HNRNPUL2: variants seen among roughly 807,000 people sequenced by gnomAD.
HNRNPUL2 encodes heterogeneous nuclear ribonucleoprotein U-like protein 2.
Under a neutral mutation model 102.2 loss-of-function variants are expected in HNRNPUL2, and 27 were observed. The observed-to-expected ratio is 0.26, with a 90% CI of 0.19 to 0.36. The LOEUF is 0.36. HNRNPUL2 is among the 10% of genes least tolerant of loss of function. The probability of loss-of-function intolerance (pLI) is 1.00; values close to 1 mark genes in which losing one functional copy is unlikely to be tolerated. For missense variants in HNRNPUL2, 936 were observed against 981.1 expected (o/e 0.95, Z 0.61); for synonymous variants, 458 against 387.2 (o/e 1.18, Z -2.15).
At chr11:62,723,889 C>G in intron 3 of HNRNPUL2, 25 bp downstream of exon 3, 1 of 1,608,952 alleles carries the variant, frequency 6.2e-7, no homozygotes, top group Non-Finnish European at 8.5e-7. Flanking sequence ...AGTTAAAAAC[C>G]ACAGTCTGTC....
chr11:62,721,727 T>C, intron 8 of HNRNPUL2, 93 bp downstream of exon 8: 1 of 1,396,186 alleles, frequency 7.2e-7, no homozygotes, highest in Non-Finnish European at 9.9e-7. Context: ...TCTGGGACCC[T>C]TGTTCTCAGA....
rs1207163819 is a variant in HNRNPUL2, at chr11:62,722,271, T to C, written c.1205A>G (p.His402Arg). 1.2e-6 allele frequency: 2 copies of C among 1,614,020 alleles called. No homozygotes were observed. Among genetic ancestry groups the C allele is most frequent in the African/African-American group, 1.3e-5 (1 of 74,898 alleles). The change falls in exon 7 of 14, where the codon CAT becomes CGT. Residue 402 changes from histidine (H) to arginine (R), a missense_variant. By Grantham distance (29) the His-to-Arg change is conservative. Transcript: ENST00000301785. ...TACAACACAATTTTTGCAGAGGACA[T>C]GGGGTAGAAGGGCCCGGTCTGCCAG... is the stretch of plus-strand genomic sequence containing the variant. ...DSLADRALLPHVLCKNCVVEL... is the reference protein window; with the variant it reads ...DSLADRALLPRVLCKNCVVEL...
chr11:62,715,226 TTG>T lies in HNRNPUL2; in HGVS notation c.*71_*72del. 1.3e-6 allele frequency: 1 copy of T among 745,984 alleles called. No individual in the cohort carries two copies. The highest frequency in any genetic ancestry group is 2.0e-6 in the Non-Finnish European group (1 of 494,550). 46.2% of individuals were successfully genotyped at this position (745,984 alleles called of 1,614,324 possible). ...CCCCGACAGCCCCTGTTTTCCTTGG[TTG>T]TGTTTTGCGGGGGTGCCTGGCACCC... On this transcript the variant is annotated 3_prime_UTR_variant, in exon 14 of 14. Coordinates refer to ENST00000301785, the MANE Select transcript of HNRNPUL2 (RefSeq NM_001079559.3).
At chr11:62,724,032 C>G in intron 2 of HNRNPUL2, 42 bp from the exon 3 acceptor site, 1 of 1,524,210 alleles carries the variant, frequency 6.6e-7, no homozygotes, top group Non-Finnish European at 9.1e-7. Flanking sequence ...GTAAACAAAG[C>G]CCTCTTCTTT....
rs760131465 is a variant in HNRNPUL2, at chr11:62,715,965, G to C, written c.1982-28C>G. ...GGAAGAGAAATGGAGAGCGCGCTCA[G>C]ACAGCTGGCATGGGGTCCTGGCTCC... is the stretch of plus-strand genomic sequence containing the variant. On this transcript the variant is annotated intron_variant, in intron 11 of 13. Coordinates refer to ENST00000301785, the MANE Select transcript of HNRNPUL2 (RefSeq NM_001079559.3). The C allele has an allele frequency of 2.6e-6, 4 of 1,554,536 alleles. No individual in the cohort carries two copies. The South Asian group carries it at 3.5e-5, about 14-fold the overall frequency.
At chr11:62,719,902 C>G in intron 10 of HNRNPUL2, 121 bp downstream of exon 10, 2 of 900,770 alleles carry the variant, frequency 2.2e-6, no homozygotes, top group Non-Finnish European at 3.4e-6. Context: ...TCACCAGATG[C>G]TAATGCTATG....
At position 62,721,895 on chromosome 11, in the gene HNRNPUL2, T is replaced by C. The variant is rs774690660; in HGVS notation, c.1407A>G (p.Ala469=). Residue 469 remains alanine, a synonymous_variant, in exon 8 of 14, where the codon GCA becomes GCG. Transcript: ENST00000301785. The stretch of plus-strand genomic sequence containing the variant: ...CAGGGTTTTCTTTTGCATATTTCAG[T>C]GCCCACTGGGTCTTTCCAGATCCGG... ...GLPGSGKTQW[A]LKYAKENPEK... is the part of the protein sequence containing the mutation. 6.2e-7 allele frequency: 1 copy of C among 1,614,176 alleles called. No homozygotes were observed. Among genetic ancestry groups the C allele is most frequent in the Non-Finnish European group, 8.5e-7 (1 of 1,179,988 alleles).
In HNRNPUL2 at chr11:62,722,921, G is replaced by A. The variant is rs771737887; in HGVS notation, c.892-18C>T. On this transcript the variant is annotated intron_variant, in intron 4 of 13. Transcript: ENST00000301785. ...TGGGTTACCTGGCCAAGTCAGAAAG[G>A]GAACTATTAGATATTGTGACCAACT... 4 of 1,600,670 alleles carry A rather than the reference G, an allele frequency of 2.5e-6. No individual in the cohort carries two copies. Among genetic ancestry groups the A allele is most frequent in the South Asian group, 2.2e-5 (2 of 90,746 alleles).
rs774310607 is a variant in HNRNPUL2 at position 62,722,680 on chromosome 11, C to T, written c.1016G>A (p.Arg339Gln). Residue 339 changes from arginine to glutamine, a missense_variant, in exon 6 of 14, where the codon CGA becomes CAA. By Grantham distance (43) the Arg-to-Gln change is conservative. Transcript: ENST00000301785. ...TTGTCCATTTTCTGCCTTGAGTCCT[C>T]GTCCATCGAAACCGTAAGAGAATTC... is the stretch of plus-strand genomic sequence containing the variant. ...EDEFSYGFDG[R>Q]GLKAENGQFE... 20 of 1,613,990 alleles carry T rather than the reference C, an allele frequency of 1.2e-5. No homozygotes were observed. The highest frequency in any genetic ancestry group is 2.2e-5 in the East Asian group (1 of 44,904).
intron 3 of HNRNPUL2, 42 bp downstream of exon 3, chr11:62,723,872 G>A (rs1010016747): frequency 1.2e-6 from 2 of 1,603,340 alleles, no homozygotes; most frequent in South Asian, 2.2e-5. Flanking sequence ...ATCACTTTTA[G>A]GAGATTAGTT....
At chr11:62,719,237 G>A (rs966823284) in intron 10 of HNRNPUL2, among the ~76,000 whole-genome samples, 1 of 152,210 alleles carries the variant, frequency 6.6e-6, no homozygotes, top group African/African-American at 2.4e-5. Flanking sequence ...ATCACCTGAA[G>A]TCAGGAGTTC....
intron 1 of HNRNPUL2, among the ~76,000 whole-genome samples, chr11:62,725,185 C>T (rs1310037210): frequency 6.6e-6 from 1 of 152,128 alleles, no homozygotes; most frequent in Non-Finnish European, 1.5e-5. Flanking sequence ...TTCTTTAAAG[C>T]AGTCTTTTAT....
At chr11:62,715,465 C>A (rs369991557) in intron 13 of HNRNPUL2, 35 bp downstream of exon 13, 3 of 1,581,994 alleles carry the variant, frequency 1.9e-6, no homozygotes, top group African/African-American at 1.3e-5. Flanking sequence ...CTCCTGCCCC[C>A]CTTCACCCTG....
intron 10 of HNRNPUL2, 135 bp from the exon 11 acceptor site, chr11:62,717,324 C>A (rs771131249): frequency 2.8e-5 from 18 of 653,424 alleles, no homozygotes; most frequent in Non-Finnish European, 4.4e-5. Flanking sequence ...TACGTTTATA[C>A]CCACTCGCAT....
At position 62,715,908 on chromosome 11, in the gene HNRNPUL2, G is replaced by A. The variant is rs745497599; in HGVS notation, c.2011C>T (p.Arg671Trp). The A allele has an allele frequency of 2.5e-5, 40 of 1,611,512 alleles. No individual in the cohort carries two copies. The highest frequency in any genetic ancestry group is 3.1e-5 in the Non-Finnish European group (36 of 1,178,910). The part of the protein sequence containing the change: ...VGGQRRGYDN[R>W]AYGQQYWGQP... ...CCCCAGTACTGCTGCCCGTAGGCCC[G>A]GTTGTCGTAGCCTCGGCGCTGCCCG... Residue 671 changes from arginine to tryptophan, a missense_variant, in exon 12 of 14, where the codon CGG becomes TGG. This residue lies in a region of HNRNPUL2 where 609 missense variants were observed against 713.0 expected (regional missense o/e 0.85). Coordinates refer to ENST00000301785, the MANE Select transcript of HNRNPUL2 (RefSeq NM_001079559.3).
rs1443300057 is a variant in HNRNPUL2, at chr11:62,717,154, C to G, written c.1816G>C (p.Asp606His). The change falls in exon 11 of 14, where the codon GAT becomes CAT. Residue 606 changes from aspartate (D) to histidine (H), a missense_variant. This residue lies in a region of HNRNPUL2 where 609 missense variants were observed against 713.0 expected (regional missense o/e 0.85). Coordinates refer to ENST00000301785, the MANE Select transcript of HNRNPUL2 (RefSeq NM_001079559.3). ...TCCAGCTCCCCATATGTCACCTCAT[C>G]CATATAGTCGCATTTTTCAGGCAAA... The part of the protein sequence containing the change: ...FSLPEKCDYM[D>H]EVTYGELEKE... 1 of 1,614,046 alleles carries G rather than the reference C, an allele frequency of 6.2e-7. No homozygotes were observed. Among genetic ancestry groups the G allele is most frequent in the South Asian group, 1.1e-5 (1 of 91,072 alleles).
chr11:62,721,796 G>A (rs557123070), intron 8 of HNRNPUL2, 24 bp downstream of exon 8: 7 of 1,612,874 alleles, frequency 4.3e-6, no homozygotes, highest in East Asian at 4.5e-5. Flanking sequence ...TACTGTATCC[G>A]ACAAATCCCC....
intron 10 of HNRNPUL2, 84 bp downstream of exon 10, chr11:62,719,939 G>T: frequency 7.8e-7 from 1 of 1,282,882 alleles, no homozygotes; most frequent in South Asian, 1.3e-5. Context: ...CCTCCAGAAT[G>T]AGGGAAATAA....
Position 62,722,844 on chromosome 11 carries a change from C to T in HNRNPUL2, c.951G>A (p.Gly317=). The T allele has an allele frequency of 6.2e-7, 1 of 1,614,090 alleles. No individual in the cohort carries two copies. Among genetic ancestry groups the T allele is most frequent in the Non-Finnish European group, 8.5e-7 (1 of 1,180,012 alleles). ...GTGGACGGGAAAAATCAACAGACCA[C>T]CCAACTCGAAGGAGAGAGACCTCTG... ...GCTEVSLLRV[G]WSVDFSRPQL... is the part of the protein sequence containing the mutation. Residue 317 remains glycine (G), a synonymous_variant, in exon 5 of 14, where the codon GGG becomes GGA. Transcript: ENST00000301785.
Sources: allele counts gnomAD v4.1 joint callset (sites outside exome capture counted in the v4.1 genomes callset), GRCh38; gene constraint gnomAD v4.1.1; regional missense constraint gnomAD v4.1.1; transcripts MANE v1.5; gene names NCBI Gene and HGNC (gene_info 2026-07-23, HGNC 2026-07-21).